Variants in CDKAL1 observed in about 807,000 individuals in gnomAD.
CDKAL1 encodes the protein threonylcarbamoyladenosine tRNA methylthiotransferase.
Under a neutral mutation model 68.2 loss-of-function variants are expected in CDKAL1, and 32 were observed. That is an observed-to-expected ratio of 0.47 (90% CI 0.35 to 0.63). CDKAL1 has a LOEUF of 0.63. Ranked by LOEUF, CDKAL1 falls within the 30% of genes least tolerant of loss-of-function variation. The probability of loss-of-function intolerance (pLI) is 0.00; values close to 1 mark genes in which losing one functional copy is unlikely to be tolerated. For missense variants in CDKAL1, 606 were observed against 696.7 expected (o/e 0.87, Z 1.47); for synonymous variants, 234 against 244.3 (o/e 0.96, Z 0.39).
chr6:20,535,039 C>A (rs1055092798), intron 1 of CDKAL1: 1 of 152,168 alleles, frequency 6.6e-6, no homozygotes, highest in Non-Finnish European at 1.5e-5. Flanking sequence ...TCGGATGGAA[C>A]GTGATCTGGA....
chr6:20,902,081 C>G (rs553549215), intron 9 of CDKAL1, among the ~76,000 whole-genome samples: 19 of 136,318 alleles, frequency 1.4e-4, no homozygotes, highest in African/African-American at 2.7e-4. Context: ...AACCACTGTC[C>G]CCCTGACTTC....
chr6:20,544,568 C>G (rs1159878536), intron 2 of CDKAL1, among the ~76,000 whole-genome samples: 2 of 128,856 alleles, frequency 1.6e-5, no homozygotes, highest in African/African-American at 6.2e-5. Context: ...TGCACTCCAG[C>G]CTGGGCCACA....
At chr6:21,188,494 G>T (rs1164453707) in intron 13 of CDKAL1, among the ~76,000 whole-genome samples, 1 of 152,210 alleles carries the variant, frequency 6.6e-6, no homozygotes, top group Non-Finnish European at 1.5e-5. Context: ...AATAGATCAA[G>T]AGGGTGGAAG....
chr6:21,146,220 TG>T (rs1582297212), intron 13 of CDKAL1, among the ~76,000 whole-genome samples: 1 of 152,212 alleles, frequency 6.6e-6, no homozygotes, highest in African/African-American at 2.4e-5. Context: ...ACGTGCTTTC[TG>T]GGTCTTGGAT....
At chr6:21,184,778 G>GTAGC (rs1011570065) in intron 13 of CDKAL1, among the ~76,000 whole-genome samples, 1 of 150,724 alleles carries the variant, frequency 6.6e-6, no homozygotes, top group Non-Finnish European at 1.5e-5. Context: ...AGCCTCTGGA[G>GTAGC]TAGCTATAGC....
At chr6:21,053,459 A>G (rs1770652576) in intron 11 of CDKAL1, among the ~76,000 whole-genome samples, 1 of 152,156 alleles carries the variant, frequency 6.6e-6, no homozygotes, top group Admixed American at 6.6e-5. Context: ...GTGAGCTTAC[A>G]TTTTCGTTTC....
intron 4 of CDKAL1, among the ~76,000 whole-genome samples, chr6:20,552,438 T>A (rs1376184991): frequency 1.3e-5 from 2 of 152,200 alleles, no homozygotes; most frequent in Non-Finnish European, 2.9e-5. Flanking sequence ...TAATACATTT[T>A]AATTAAATTT....
At position 20,699,010 on chromosome 6, in the gene CDKAL1, C is replaced by T. The variant is rs11969783; in HGVS notation, c.372-40509C>T. Among the ~76,000 whole-genome samples, 691 of 152,210 alleles carry T rather than the reference C, an allele frequency of 4.5e-3. 5 individuals are homozygous for T. Among genetic ancestry groups the T allele is most frequent in the African/African-American group, 0.016 (652 of 41,542 alleles). Reference sequence around the variant, plus strand: ...TACAATGATAAGTTTTAAAAACTCTCTTGTATAACCATTTTTTTAAAGTCA... The same window carrying T: ...TACAATGATAAGTTTTAAAAACTCTTTTGTATAACCATTTTTTTAAAGTCA... On this transcript the variant is annotated intron_variant, in intron 5 of 15. Coordinates refer to ENST00000274695, the MANE Select transcript of CDKAL1 (RefSeq NM_017774.3).
intron 4 of CDKAL1, among the ~76,000 whole-genome samples, chr6:20,550,198 G>C (rs115346649): frequency 0.011 from 1,734 of 151,830 alleles, 29 homozygotes; most frequent in African/African-American, 0.038. Flanking sequence ...GGCTGGTCTA[G>C]ACCTCTTGAT....
At chr6:21,002,859 C>T (rs116072557) in intron 11 of CDKAL1, among the ~76,000 whole-genome samples, 1,926 of 151,800 alleles carry the variant, frequency 0.013, 51 homozygotes, top group African/African-American at 0.043. Context: ...CGTGTTGGCT[C>T]GCACCTGTGA....
intron 9 of CDKAL1, among the ~76,000 whole-genome samples, chr6:20,941,640 AT>A (rs1372688288): frequency 6.6e-6 from 1 of 152,212 alleles, no homozygotes; most frequent in Non-Finnish European, 1.5e-5. Context: ...ACTAGGATCT[AT>A]TTTTAGTGAA....
rs1172280951 is a variant in CDKAL1 at position 21,174,836 on chromosome 6, C to T, written c.1300-23185C>T. ...CTCACCCCGTATCCAAAGAGATATG[C>T]GTTATTGTTGGTAATAGCTTAAAAT... On this transcript the variant is annotated intron_variant, in intron 13 of 15. Coordinates refer to ENST00000274695, the MANE Select transcript of CDKAL1 (RefSeq NM_017774.3). 3.3e-5 allele frequency among the ~76,000 whole-genome samples: 5 copies of T among 152,138 alleles called. No individual in the cohort carries two copies. In the East Asian group the frequency reaches 7.7e-4, roughly 24 times the overall value.
At chr6:20,799,410 C>T (rs1304924721) in intron 8 of CDKAL1, among the ~76,000 whole-genome samples, 1 of 151,838 alleles carries the variant, frequency 6.6e-6, no homozygotes, top group Non-Finnish European at 1.5e-5. Context: ...AACTTACCCT[C>T]AGTAATGAAT....
At chr6:21,038,755 G>T (rs1769741343) in intron 11 of CDKAL1, among the ~76,000 whole-genome samples, 1 of 152,114 alleles carries the variant, frequency 6.6e-6, no homozygotes, top group African/African-American at 2.4e-5. Context: ...TCTTCTTCCA[G>T]TGTGGCCCAG....
chr6:21,081,227 TAA>T (rs1291133980), intron 12 of CDKAL1, among the ~76,000 whole-genome samples: 1 of 152,228 alleles, frequency 6.6e-6, no homozygotes, highest in Non-Finnish European at 1.5e-5. Flanking sequence ...TATGTGGTTA[TAA>T]GTTTTCTCTC....
At chr6:21,093,609 T>C (rs973699025) in intron 12 of CDKAL1, among the ~76,000 whole-genome samples, 2 of 151,990 alleles carry the variant, frequency 1.3e-5, no homozygotes, top group Admixed American at 1.3e-4. Flanking sequence ...AATGCACTTC[T>C]TGCGAGGTGA....
intron 9 of CDKAL1, among the ~76,000 whole-genome samples, chr6:20,853,003 C>T (rs1759101544): frequency 6.6e-6 from 1 of 152,206 alleles, no homozygotes; most frequent in African/African-American, 2.4e-5. Flanking sequence ...AAGGCCTCTG[C>T]TGCAACTATT....
chr6:20,703,346 TA>T (rs1324491275), intron 5 of CDKAL1, among the ~76,000 whole-genome samples: 1 of 152,192 alleles, frequency 6.6e-6, no homozygotes, highest in African/African-American at 2.4e-5. Flanking sequence ...GTAGTTACGA[TA>T]GAGACTATAT....
At chr6:20,554,064 C>T (rs1051300555) in intron 4 of CDKAL1, among the ~76,000 whole-genome samples, 2 of 152,224 alleles carry the variant, frequency 1.3e-5, no homozygotes, top group Non-Finnish European at 2.9e-5. Context: ...GTGGTCTGCC[C>T]GCCTTGGCCT....
Sources: allele counts gnomAD v4.1 joint callset (sites outside exome capture counted in the v4.1 genomes callset), GRCh38; gene constraint gnomAD v4.1.1; transcripts MANE v1.5; gene names NCBI Gene and HGNC (gene_info 2026-07-23, HGNC 2026-07-21).